Variants in TMEM238 observed in about 807,000 individuals in gnomAD.
TMEM238 encodes the protein transmembrane protein 238.
For missense variants in TMEM238, 169 were observed against 206.8 expected, an observed-to-expected ratio of 0.82 and a Z score of 1.12; for synonymous variants, 103 against 111.5, an observed-to-expected ratio of 0.92 and a Z score of 0.48.
At position 55,383,882 on chromosome 19, in the gene TMEM238, G is replaced by A; in HGVS notation, c.378C>T (p.Pro126=). ...ARKLSRRWSA[P]AAAGQRPAPG... ...GCGCGGGGCGCTGGCCCGCGGCGGC[G>A]GGCGCCGACCAGCGGCGGGAGAGCT... is the stretch of plus-strand genomic sequence containing the variant. The change falls in exon 1 of 2, where the codon CCC becomes CCT. Residue 126 remains proline, a synonymous_variant. Transcript: ENST00000444469. This position sits in a 1 kb window ranked among gnomAD's most constrained non-coding sequence, Gnocchi z 4.9. 9.5e-7 allele frequency: 1 copy of A among 1,054,184 alleles called. No individual in the cohort carries two copies. Among genetic ancestry groups the A allele is most frequent in the Non-Finnish European group, 1.2e-6 (1 of 865,924 alleles). 65.3% of individuals were successfully genotyped at this position (1,054,184 alleles called of 1,614,324 possible).
intron 1 of TMEM238, among the ~76,000 whole-genome samples, chr19:55,380,872 G>A (rs1431377969): frequency 6.6e-6 from 1 of 152,064 alleles, no homozygotes. Context: ...CTCCCAAAGT[G>A]CTGGGATTAC....
At chr19:55,382,218 C>G (rs1219158193) in intron 1 of TMEM238, among the ~76,000 whole-genome samples, 1 of 152,110 alleles carries the variant, frequency 6.6e-6, no homozygotes, top group Non-Finnish European at 1.5e-5. Flanking sequence ...ATCCATCAAC[C>G]AACTCATCCA....
At chr19:55,381,090 A>G (rs1361124924) in intron 1 of TMEM238, among the ~76,000 whole-genome samples, 1 of 152,128 alleles carries the variant, frequency 6.6e-6, no homozygotes, top group Admixed American at 6.6e-5. Context: ...ACAAAGAATA[A>G]TATATAACTG....
chr19:55,381,006 G>A (rs1490323612), intron 1 of TMEM238, among the ~76,000 whole-genome samples: 3 of 152,328 alleles, frequency 2.0e-5, no homozygotes, highest in East Asian at 3.9e-4. Context: ...AGATGTTCAT[G>A]CTTTCTTACC....
rs761823194 is a variant in TMEM238 at position 55,383,933 on chromosome 19, G to C, written c.327C>G (p.Pro109=). 9 of 1,301,874 alleles carry C rather than the reference G, an allele frequency of 6.9e-6. No individual in the cohort carries two copies. The South Asian group carries it at 1.6e-4, about 24-fold the overall frequency. 80.6% of individuals were successfully genotyped at this position (1,301,874 alleles called of 1,614,324 possible). A position where few individuals can be genotyped will look rare whatever the true frequency, so the allele number is the denominator to read the frequency against. The change falls in exon 1 of 2, where the codon CCC becomes CCG. Residue 109 remains proline (P), a synonymous_variant. Coordinates refer to ENST00000444469, the MANE Select transcript of TMEM238 (RefSeq NM_001190764.2). This position sits in a 1 kb window ranked among gnomAD's most constrained non-coding sequence, Gnocchi z 4.9. ...QELERDYGLR[P]SALARLARKL... ...TGCGCGCCAGGCGGGCGAGCGCCGA[G>C]GGCCGCAGGCCGTAGTCGCGCTCCA...
intron 1 of TMEM238, among the ~76,000 whole-genome samples, chr19:55,379,682 C>T (rs895440921): frequency 3.3e-5 from 5 of 152,074 alleles, no homozygotes; most frequent in African/African-American, 7.3e-5. Context: ...ACCTGGGAGA[C>T]AGAGACACAG....
At chr19:55,379,552 A>G (rs775668704) in intron 1 of TMEM238, among the ~76,000 whole-genome samples, 185 bp from the exon 2 acceptor site, 1 of 152,090 alleles carries the variant, frequency 6.6e-6, no homozygotes, top group Non-Finnish European at 1.5e-5. Flanking sequence ...ATGCGTGTGT[A>G]CCTTTAACGC....
chr19:55,383,889 G>C lies in TMEM238; in HGVS notation c.371C>G (p.Ser124Trp), dbSNP rs1212241814. The C allele has an allele frequency of 2.7e-6, 3 of 1,094,414 alleles. No homozygotes were observed. Among genetic ancestry groups the C allele is most frequent in the African/African-American group, 1.7e-5 (1 of 59,146 alleles). 67.8% of individuals were successfully genotyped at this position (1,094,414 alleles called of 1,614,324 possible). ...GCGCTGGCCCGCGGCGGCGGGCGCC[G>C]ACCAGCGGCGGGAGAGCTTGCGCGC... The part of the protein sequence containing the change: ...RLARKLSRRW[S>W]APAAAGQRPA... Residue 124 changes from serine (S) to tryptophan (W), a missense_variant, in exon 1 of 2, where the codon TCG becomes TGG. Transcript: ENST00000444469. The surrounding 1 kb of genome is among the most constrained non-coding windows in gnomAD (Gnocchi z 4.9).
rs796632176 is a variant in TMEM238 at position 55,382,152 on chromosome 19, G to A, written c.*7+1570C>T. 4.2e-5 allele frequency among the ~76,000 whole-genome samples: 6 copies of A among 143,242 alleles called. No individual in the cohort carries two copies. The South Asian group carries it at 6.7e-4, about 16-fold the overall frequency. 94.0% of individuals were successfully genotyped at this position (143,242 alleles called of 152,430 possible). A position where few individuals can be genotyped will look rare whatever the true frequency, so the allele number is the denominator to read the frequency against. ...CAACTCATCCATCCACGCACCCATC[G>A]ATCTACCCATCCACCCACCCACCCA... On this transcript the variant is annotated intron_variant, in intron 1 of 1. Coordinates refer to ENST00000444469, the MANE Select transcript of TMEM238 (RefSeq NM_001190764.2).
At chr19:55,379,602 G>C (rs904949560) in intron 1 of TMEM238, among the ~76,000 whole-genome samples, 34 of 152,090 alleles carry the variant, frequency 2.2e-4, no homozygotes, top group Admixed American at 6.5e-5. Flanking sequence ...TGCGAGCCAG[G>C]GAGAGGCAGA....
In TMEM238 at chr19:55,383,351, G is replaced by T. The variant is rs551365647; in HGVS notation, c.*7+371C>A. ...AGATCACGCCACTGCACTCCAGCCT[G>T]GGTGACAGTGAGAGATCCTGTCTCA... On this transcript the variant is annotated intron_variant, in intron 1 of 1. Coordinates refer to ENST00000444469, the MANE Select transcript of TMEM238 (RefSeq NM_001190764.2). The surrounding 1 kb of genome is among the most constrained non-coding windows in gnomAD (Gnocchi z 4.9). Among the ~76,000 whole-genome samples, 96 of 152,162 alleles carry T rather than the reference G, an allele frequency of 6.3e-4. No individual in the cohort carries two copies. Among genetic ancestry groups the T allele is most frequent in the African/African-American group, 2.1e-3 (89 of 41,502 alleles).
chr19:55,379,748 C>T (rs1333324767), intron 1 of TMEM238, among the ~76,000 whole-genome samples: 5 of 152,028 alleles, frequency 3.3e-5, no homozygotes, highest in Admixed American at 2.0e-4. Flanking sequence ...AGAAGGAGGC[C>T]GGGCATCGTG....
At position 55,383,976 on chromosome 19, in the gene TMEM238, T is replaced by G. The variant is rs2089897380; in HGVS notation, c.284A>C (p.Glu95Ala). ...GWILWYTGNIEISRQELERDY... is the reference protein window; with the variant it reads ...GWILWYTGNIAISRQELERDY... ...GCGCTCCAGCTCCTGGCGCGAGATC[T>G]CGATGTTGCCGGTGTACCAGAGGAT... Residue 95 changes from glutamate (E) to alanine (A), a missense_variant, in exon 1 of 2, where the codon GAG becomes GCG. By Grantham distance (107) the Glu-to-Ala change is moderately radical. Coordinates refer to ENST00000444469, the MANE Select transcript of TMEM238 (RefSeq NM_001190764.2). The surrounding 1 kb of genome is among the most constrained non-coding windows in gnomAD (Gnocchi z 4.9). 1 of 1,412,600 alleles carries G rather than the reference T, an allele frequency of 7.1e-7. No homozygotes were observed. The allele number at this position is 1,412,600 out of a possible 1,614,324, so 87.5% of individuals were successfully genotyped here. A position where few individuals can be genotyped will look rare whatever the true frequency, so the allele number is the denominator to read the frequency against.
At chr19:55,382,811 T>A (rs1162785989) in intron 1 of TMEM238, among the ~76,000 whole-genome samples, 1 of 152,198 alleles carries the variant, frequency 6.6e-6, no homozygotes, top group African/African-American at 2.4e-5. Context: ...GTGTGGTGGC[T>A]TCATTTCTCC....
intron 1 of TMEM238, among the ~76,000 whole-genome samples, chr19:55,380,093 G>A (rs934726068): frequency 3.3e-5 from 5 of 151,858 alleles, no homozygotes; most frequent in Admixed American, 1.3e-4. Context: ...TCTTTCATGC[G>A]CTGGAAGCTG....
Position 55,383,510 on chromosome 19 carries a change from G to A in TMEM238, c.*7+212C>T, listed in dbSNP as rs2089894042. On this transcript the variant is annotated intron_variant, in intron 1 of 1. Transcript: ENST00000444469. The surrounding 1 kb of genome is among the most constrained non-coding windows in gnomAD (Gnocchi z 4.9). ...CCACACTTCCCATCTCCAGGGGCAG[G>A]GTCTCACAGCCTCCCCCACGTATGC... Among the ~76,000 whole-genome samples the A allele has an allele frequency of 6.6e-6, 1 of 152,134 alleles. No individual in the cohort carries two copies. Among genetic ancestry groups the A allele is most frequent in the Admixed American group, 6.5e-5 (1 of 15,284 alleles).
chr19:55,381,341 G>A (rs535703770), intron 1 of TMEM238, among the ~76,000 whole-genome samples: 1 of 148,486 alleles, frequency 6.7e-6, no homozygotes, highest in South Asian at 2.1e-4. Flanking sequence ...TTGCTTGAAC[G>A]CGGGAGGCAG....
chr19:55,383,952 C>T lies in TMEM238; in HGVS notation c.308G>A (p.Arg103His). ...CGCCGAGGGCCGCAGGCCGTAGTCG[C>T]GCTCCAGCTCCTGGCGCGAGATCTC... ...NIEISRQELE[R>H]DYGLRPSALA... Residue 103 changes from arginine (R) to histidine (H), a missense_variant, in exon 1 of 2, where the codon CGC becomes CAC. Transcript: ENST00000444469. This position sits in a 1 kb window ranked among gnomAD's most constrained non-coding sequence, Gnocchi z 4.9. The T allele has an allele frequency of 1.5e-6, 2 of 1,363,216 alleles. No homozygotes were observed. The highest frequency in any genetic ancestry group is 3.0e-5 in the South Asian group (2 of 65,950). 84.4% of individuals were successfully genotyped at this position (1,363,216 alleles called of 1,614,324 possible).
chr19:55,383,737 T>G lies in TMEM238; in HGVS notation c.523A>C (p.Ser175Arg). Reference sequence around the variant, plus strand: ...CGCCCCTCACCTGGGCCTCACTCGCTGCCCGCGCCCGCCGCCCCGGGCCCG... The same window carrying G: ...CGCCCCTCACCTGGGCCTCACTCGCGGCCCGCGCCCGCCGCCCCGGGCCCG... Reference protein sequence around the residue: ...EAGPGAAGAGSE With the variant: ...EAGPGAAGAGRE Residue 175 changes from serine to arginine, a missense_variant, in exon 1 of 2, where the codon AGC becomes CGC. Ser to Arg is a moderately radical substitution (Grantham distance 110). Coordinates refer to ENST00000444469, the MANE Select transcript of TMEM238 (RefSeq NM_001190764.2). The surrounding 1 kb of genome is among the most constrained non-coding windows in gnomAD (Gnocchi z 4.9). 1 of 241,070 alleles carries G rather than the reference T, an allele frequency of 4.1e-6. No individual in the cohort carries two copies. The highest frequency in any genetic ancestry group is 7.9e-6 in the Non-Finnish European group (1 of 126,456). The allele number at this position is 241,070 out of a possible 1,614,324, so 14.9% of individuals were successfully genotyped here. A position where few individuals can be genotyped will look rare whatever the true frequency, so the allele number is the denominator to read the frequency against.
Sources: gnomAD v4.1 joint callset for allele counts (sites outside exome capture counted in the v4.1 genomes callset) on GRCh38, gnomAD v4.1.1 for gene constraint, Gnocchi (gnomAD v3.1) non-coding constraint, MANE v1.5 for transcripts, NCBI Gene and HGNC (gene_info 2026-07-23, HGNC 2026-07-21) for gene names.